HCRTR2: variants seen among roughly 807,000 people sequenced by gnomAD.
HCRTR2 encodes orexin receptor type 2.
Under a neutral mutation model 49.0 loss-of-function variants are expected in HCRTR2, and 22 were observed. The observed-to-expected ratio is 0.45, with a 90% CI of 0.32 to 0.64. The LOEUF is 0.64. Ranked by LOEUF, HCRTR2 falls within the 30% of genes least tolerant of loss-of-function variation. The pLI is 0.04. For synonymous variants in HCRTR2, 236 were observed against 205.3 expected (o/e 1.15, Z -1.28); for missense variants, 491 against 559.4 (o/e 0.88, Z 1.23).
chr6:55,244,056 C>T (rs1766384725), intron 1 of HCRTR2, among the ~76,000 whole-genome samples: 2 of 151,964 alleles, frequency 1.3e-5, no homozygotes, highest in South Asian at 2.1e-4. Flanking sequence ...ATGGTCTGGG[C>T]ACGGAATATG....
chr6:55,120,346 C>T (rs969337102), intron 1 of HCRTR2, among the ~76,000 whole-genome samples: 1 of 151,888 alleles, frequency 6.6e-6, no homozygotes, highest in African/African-American at 2.4e-5. Context: ...TTACTTTGGG[C>T]AGTATGGCCA....
intron 1 of HCRTR2, among the ~76,000 whole-genome samples, chr6:55,145,403 T>TTTG (rs376307516): frequency 8.4e-6 from 1 of 119,124 alleles, no homozygotes; most frequent in African/African-American, 3.1e-5. Flanking sequence ...GTTTTTTTTT[T>TTTG]TGTTTTTTTG....
intron 1 of HCRTR2, among the ~76,000 whole-genome samples, chr6:55,148,998 G>A (rs984387318): frequency 6.6e-6 from 1 of 151,780 alleles, no homozygotes; most frequent in Non-Finnish European, 1.5e-5. Context: ...CATAAAATGT[G>A]GAAAGTTAAT....
At chr6:55,257,320 T>C (rs9349775) in intron 3 of HCRTR2, among the ~76,000 whole-genome samples, 26,303 of 152,096 alleles carry the variant, frequency 0.17, 2,769 homozygotes, top group Non-Finnish European at 0.24. Context: ...AAAGATTATA[T>C]TATTTTTTCA....
At chr6:55,117,328 G>T (rs1764131814) in intron 1 of HCRTR2, among the ~76,000 whole-genome samples, 1 of 151,708 alleles carries the variant, frequency 6.6e-6, no homozygotes, top group Admixed American at 6.6e-5. Context: ...CAAGCTAAAT[G>T]CTCAAAGAGG....
At chr6:55,253,105 G>A (rs144153984) in intron 2 of HCRTR2, among the ~76,000 whole-genome samples, 6 of 151,884 alleles carry the variant, frequency 4.0e-5, no homozygotes, top group Admixed American at 1.3e-4. Context: ...TTGCAGACTC[G>A]ATTCCAGCTA....
chr6:55,108,535 C>T (rs974501580), intron 1 of HCRTR2, among the ~76,000 whole-genome samples: 5 of 151,628 alleles, frequency 3.3e-5, no homozygotes, highest in Admixed American at 3.3e-4. Flanking sequence ...TTAAATCCTT[C>T]TAGGTTAAAT....
intron 1 of HCRTR2, among the ~76,000 whole-genome samples, chr6:55,132,302 G>GT (rs746892349): frequency 2.6e-5 from 4 of 151,842 alleles, no homozygotes; most frequent in Admixed American, 6.6e-5. Context: ...GTGAGAATGA[G>GT]TAACCTAAGG....
At chr6:55,160,857 GAC>G (rs1764795490) in intron 1 of HCRTR2, among the ~76,000 whole-genome samples, 2 of 152,094 alleles carry the variant, frequency 1.3e-5, no homozygotes. Context: ...GACCTATAGA[GAC>G]TTAGACTCCC....
upstream of HCRTR2, among the ~76,000 whole-genome samples, chr6:55,173,474 G>T (rs892832455): frequency 3.9e-5 from 6 of 152,152 alleles, no homozygotes; most frequent in Non-Finnish European, 8.8e-5. Context: ...AAAGGATCAT[G>T]AATTCACATT....
At chr6:55,284,588 A>G (rs1767251713), downstream of HCRTR2, among the ~76,000 whole-genome samples, 1 of 152,104 alleles carries the variant, frequency 6.6e-6, no homozygotes, top group African/African-American at 2.4e-5. Flanking sequence ...AGGGGCCACC[A>G]TCATCGCTAC....
intron 1 of HCRTR2, among the ~76,000 whole-genome samples, chr6:55,120,821 T>C (rs1355812011): frequency 1.3e-5 from 2 of 151,896 alleles, no homozygotes; most frequent in Non-Finnish European, 2.9e-5. Context: ...TCTGTTCTGT[T>C]CCATTGGTCT....
chr6:55,117,451 C>G (rs1042648181), intron 1 of HCRTR2, among the ~76,000 whole-genome samples: 1 of 151,580 alleles, frequency 6.6e-6, no homozygotes, highest in African/African-American at 2.4e-5. Flanking sequence ...AATCGTTGTA[C>G]ATATTCATGG....
chr6:55,246,315 G>T (rs1364184685), intron 1 of HCRTR2, among the ~76,000 whole-genome samples: 5 of 151,988 alleles, frequency 3.3e-5, no homozygotes, highest in Admixed American at 3.3e-4. Flanking sequence ...TATTCATTCA[G>T]TTCCAAGAAA....
intron 3 of HCRTR2, among the ~76,000 whole-genome samples, chr6:55,262,840 T>C (rs1766793398): frequency 6.7e-6 from 1 of 149,510 alleles, no homozygotes; most frequent in Admixed American, 6.8e-5. Context: ...AAAGCTAAAA[T>C]ATTAAACCAC....
upstream of HCRTR2, chr6:55,174,338 T>C: frequency 1.9e-6 from 1 of 537,004 alleles, no homozygotes; most frequent in East Asian, 3.4e-5. Context: ...CAGCCTCCAG[T>C]GCCGGGTCCC....
At chr6:55,250,288 C>T (rs1040789433) in intron 2 of HCRTR2, among the ~76,000 whole-genome samples, 2 of 151,988 alleles carry the variant, frequency 1.3e-5, no homozygotes, top group African/African-American at 4.8e-5. Flanking sequence ...AAAATATTCT[C>T]ATAGAGGAAA....
At chr6:55,191,557 G>C (rs895709440) in intron 1 of HCRTR2, among the ~76,000 whole-genome samples, 1 of 152,094 alleles carries the variant, frequency 6.6e-6, no homozygotes, top group Admixed American at 6.6e-5. Context: ...TGAAATACTG[G>C]TGCTGATTTA....
At chr6:55,262,723 C>T (rs1212342295) in intron 3 of HCRTR2, among the ~76,000 whole-genome samples, 3 of 132,860 alleles carry the variant, frequency 2.3e-5, no homozygotes, top group Admixed American at 8.1e-5. Context: ...TATTTATGTA[C>T]ATATATAAGG....
Sources: gnomAD v4.1 joint callset for allele counts (sites outside exome capture counted in the v4.1 genomes callset) on GRCh38, gnomAD v4.1.1 for gene constraint, MANE v1.5 for transcripts, NCBI Gene and HGNC (gene_info 2026-07-23, HGNC 2026-07-21) for gene names.